Variants in MPP1 observed in about 807,000 individuals in gnomAD.
MPP1 encodes the protein MAGUK p55 scaffold protein 1, also known as 55 kDa erythrocyte membrane protein.
Under a neutral mutation model 38.2 loss-of-function variants are expected in MPP1, and 6 were observed. The ratio of observed to expected loss-of-function variants is 0.16; its 90% CI spans 0.09 to 0.31. The LOEUF is 0.31. Ranked by LOEUF, MPP1 falls within the 10% of genes least tolerant of loss-of-function variation. The pLI, the probability that MPP1 is intolerant of heterozygous loss-of-function variation, is 1.00. For synonymous variants in MPP1, 153 were observed against 146.3 expected (o/e 1.05, Z -0.33); for missense variants, 293 against 368.9 (o/e 0.79, Z 1.69).
chrX:154,796,725 C>G (rs1340264645), intron 1 of MPP1, among the ~76,000 whole-genome samples: 2 of 112,052 alleles, frequency 1.8e-5, no homozygotes, highest in Non-Finnish European at 3.8e-5. Context: ...AATATCAGCA[C>G]CATGACAATA....
chrX:154,792,169 C>G lies in MPP1; in HGVS notation c.219G>C (p.Gln73His). The change falls in exon 2 of 12, where the codon CAG becomes CAC. Residue 73 changes from glutamine to histidine, a missense_variant. Coordinates refer to ENST00000369534, the MANE Select transcript of MPP1 (RefSeq NM_002436.4). ...GQEVRKVRLI[Q>H]FEKVTEEPMG... ...TGGGCTCTTCTGTGACCTTCTCAAA[C>G]TGTATGAGTCGCACTTTCCGCACCT... is the stretch of plus-strand genomic sequence containing the variant. 8.3e-7 allele frequency: 1 copy of G among 1,211,751 alleles called. No individual in the cohort carries two copies. Among genetic ancestry groups the G allele is most frequent in the Non-Finnish European group, 1.1e-6 (1 of 895,436 alleles).
intron 1 of MPP1, among the ~76,000 whole-genome samples, chrX:154,798,951 C>T (rs1247366132): frequency 3.6e-5 from 4 of 111,166 alleles, no homozygotes; most frequent in African/African-American, 9.8e-5. Context: ...CCAGGCTGGT[C>T]TTGAACTCCC....
intron 1 of MPP1, chrX:154,799,897 G>T: frequency 1.0e-4 from 106 of 1,057,301 alleles, no homozygotes; most frequent in Middle Eastern, 6.4e-4. Context: ...AAGGAAGCTG[G>T]AATTTAAAAA....
Position 154,781,226 on chromosome X carries a change from A to T in MPP1, c.1224+13T>A, listed in dbSNP as rs1603429839. 1 of 1,199,794 alleles carries T rather than the reference A, an allele frequency of 8.3e-7. No homozygotes were observed. ...AGAAAGTGAACTACCCATCGCGCAC[A>T]ACCTCTCCTCACCTGAGTGCCCTGG... is the stretch of plus-strand genomic sequence containing the variant. On this transcript the variant is annotated intron_variant, in intron 11 of 11. Transcript: ENST00000369534.
chrX:154,781,832 ACTCCAGGTCCTCACCCT>A, intron 9 of MPP1, 30 bp from the exon 10 acceptor site: 6 of 1,179,192 alleles, frequency 5.1e-6, no homozygotes, highest in Non-Finnish European at 6.9e-6. Context: ...TCCCCGACAA[ACTCCAGGTCCTCACCCT>A]TTCATGAGGG....
chrX:154,784,372 C>G (rs959310457), intron 7 of MPP1, among the ~76,000 whole-genome samples: 7 of 111,169 alleles, frequency 6.3e-5, no homozygotes, highest in Non-Finnish European at 1.3e-4. Flanking sequence ...TTTCTTGTCT[C>G]CTGTCCTCAT....
intron 7 of MPP1, chrX:154,784,602 C>T (rs781942641): frequency 2.9e-5 from 7 of 240,809 alleles, no homozygotes; most frequent in South Asian, 2.3e-4. Context: ...GTGGTGTGCA[C>T]GTGACGTCTC....
chrX:154,786,593 C>T (rs2072077241), intron 5 of MPP1, among the ~76,000 whole-genome samples, 193 bp from the exon 6 acceptor site: 1 of 110,962 alleles, frequency 9.0e-6, no homozygotes, highest in South Asian at 3.8e-4. Context: ...GAATGAATCC[C>T]TTTAACAAGA....
intron 1 of MPP1, among the ~76,000 whole-genome samples, chrX:154,801,190 T>C (rs797043091): frequency 8.9e-6 from 1 of 112,398 alleles, no homozygotes; most frequent in Non-Finnish European, 1.9e-5. Context: ...CATTATTGAT[T>C]GTCACAACTT....
At chrX:154,803,220 C>T (rs1441823240) in intron 1 of MPP1, among the ~76,000 whole-genome samples, 1 of 112,572 alleles carries the variant, frequency 8.9e-6, no homozygotes, top group African/African-American at 3.2e-5. Flanking sequence ...GAAGGTGAAC[C>T]TAAAGAAATA....
At chrX:154,799,628 A>G in intron 1 of MPP1, 2 of 784,267 alleles carry the variant, frequency 2.6e-6, no homozygotes, top group Non-Finnish European at 3.6e-6. Flanking sequence ...TGTAGTGGAT[A>G]TAGGAGGCCA....
At chrX:154,791,125 C>T in intron 3 of MPP1, 57 bp from the exon 4 acceptor site, 1 of 976,966 alleles carries the variant, frequency 1.0e-6, no homozygotes, top group Admixed American at 2.3e-5. Flanking sequence ...CAGGAGCTGT[C>T]AATGTAACTC....
chrX:154,787,571 T>C, intron 5 of MPP1, among the ~76,000 whole-genome samples: 1 of 112,194 alleles, frequency 8.9e-6, no homozygotes, highest in East Asian at 2.8e-4. Flanking sequence ...GGTTCTTTAC[T>C]GTGAGAAAGA....
chrX:154,783,138 A>T lies in MPP1; in HGVS notation c.946+289T>A. On this transcript the variant is annotated intron_variant, in intron 9 of 11. Coordinates refer to ENST00000369534, the MANE Select transcript of MPP1 (RefSeq NM_002436.4). Reference sequence around the variant, plus strand: ...GAAAATGTTTAAAAAGTAAAATGACAAAGTTATATGTATAAACTTTAATAC... The same window carrying T: ...GAAAATGTTTAAAAAGTAAAATGACTAAGTTATATGTATAAACTTTAATAC... 1.5e-5 allele frequency: 2 copies of T among 132,437 alleles called. 1 individual carries two copies. Among genetic ancestry groups the T allele is most frequent in the Middle Eastern group, 6.6e-3 (2 of 305 alleles). 10.9% of individuals were successfully genotyped at this position (132,437 alleles called of 1,213,427 possible). A position where few individuals can be genotyped will look rare whatever the true frequency, so the allele number is the denominator to read the frequency against.
intron 5 of MPP1, among the ~76,000 whole-genome samples, chrX:154,788,169 A>T (rs1298795925): frequency 2.7e-5 from 3 of 112,478 alleles, no homozygotes; most frequent in Non-Finnish European, 5.6e-5. Context: ...AAGACATAAA[A>T]AGTGCTAATC....
intron 1 of MPP1, among the ~76,000 whole-genome samples, chrX:154,795,828 G>A (rs922658762): frequency 8.9e-5 from 10 of 112,284 alleles, no homozygotes; most frequent in African/African-American, 3.2e-4. Context: ...AACAGTGGTT[G>A]CTTCTAGGGA....
Position 154,779,467 on chromosome X carries a change from A to AAGT in MPP1, c.1225-115_1225-114insACT, listed in dbSNP as rs2071963109. On this transcript the variant is annotated intron_variant, in intron 11 of 11. Coordinates refer to ENST00000369534, the MANE Select transcript of MPP1 (RefSeq NM_002436.4). ...GTTGCTCAGCTGTGCATCATACTTG[A>AAGT]CGAGTCAAATTCAGAAGACATTGTG... 4 of 676,955 alleles carry AAGT rather than the reference A, an allele frequency of 5.9e-6. No homozygotes were observed. In the African/African-American group the frequency reaches 8.8e-5, roughly 15 times the overall value. The allele number at this position is 676,955 out of a possible 1,213,427, so 55.8% of individuals were successfully genotyped here.
intron 1 of MPP1, among the ~76,000 whole-genome samples, chrX:154,792,751 G>A (rs971912522): frequency 1.8e-5 from 2 of 110,761 alleles, no homozygotes; most frequent in Non-Finnish European, 3.8e-5. Flanking sequence ...GATGCTCTCG[G>A]TCACACAGCA....
intron 1 of MPP1, among the ~76,000 whole-genome samples, chrX:154,798,462 C>T (rs2072221344): frequency 8.9e-6 from 1 of 112,557 alleles, no homozygotes; most frequent in African/African-American, 3.2e-5. Context: ...ACTAAAACAA[C>T]TTGGGATCCA....
Sources: gnomAD v4.1 joint callset for allele counts (sites outside exome capture counted in the v4.1 genomes callset) on GRCh38, gnomAD v4.1.1 for gene constraint, MANE v1.5 for transcripts, NCBI Gene and HGNC (gene_info 2026-07-23, HGNC 2026-07-21) for gene names.